The following CELA2A variants were observed in gnomAD, a reference collection of about 807,000 sequenced individuals.
CELA2A encodes chymotrypsin-like elastase family member 2A.
Under a neutral mutation model 35.3 loss-of-function variants are expected in CELA2A, and 31 were observed. The ratio of observed to expected loss-of-function variants is 0.88; its 90% confidence interval spans 0.66 to 1.19. The LOEUF is 1.19. Among genes scored for constraint, CELA2A ranks in the 50% most tolerant of loss-of-function variants. The probability of loss-of-function intolerance (pLI) is 0.00; values close to 1 mark genes in which losing one functional copy is unlikely to be tolerated. For missense variants in CELA2A, 330 were observed against 352.9 expected (o/e 0.94, Z 0.52); for synonymous variants, 150 against 149.8 (o/e 1.00, Z -0.01).
At chr1:15,467,602 A>G in intron 7 of CELA2A, 64 bp downstream of exon 7, 1 of 1,568,310 alleles carries the variant, frequency 6.4e-7, no homozygotes, top group Non-Finnish European at 8.7e-7. Context: ...CGGGAGTGCC[A>G]TGCCCACCTG....
intron 5 of CELA2A, 30 bp from the exon 6 acceptor site, chr1:15,465,969 C>T (rs1708511385): frequency 6.2e-7 from 1 of 1,612,862 alleles, no homozygotes; most frequent in Non-Finnish European, 8.5e-7. Context: ...GTCCCTGCAT[C>T]CCTAATGGCT....
At chr1:15,470,663 C>T (rs1222864293) in intron 7 of CELA2A, among the ~76,000 whole-genome samples, 1 of 152,142 alleles carries the variant, frequency 6.6e-6, no homozygotes, top group African/African-American at 2.4e-5. Flanking sequence ...TCAATGCAAC[C>T]TCCACCTCCC....
At chr1:15,459,864 C>A (rs1260745886) in intron 2 of CELA2A, among the ~76,000 whole-genome samples, 4 of 151,792 alleles carry the variant, frequency 2.6e-5, no homozygotes, top group Non-Finnish European at 1.5e-5. Context: ...CACCTTTAAT[C>A]CCAGCTATTC....
At chr1:15,470,088 C>G (rs989034230) in intron 7 of CELA2A, among the ~76,000 whole-genome samples, 1 of 152,190 alleles carries the variant, frequency 6.6e-6, no homozygotes, top group Non-Finnish European at 1.5e-5. Flanking sequence ...GCCCTGTGTT[C>G]ATGGGAGAGC....
chr1:15,471,619 A>G (rs915914332), intron 7 of CELA2A, among the ~76,000 whole-genome samples: 4 of 152,190 alleles, frequency 2.6e-5, no homozygotes, highest in African/African-American at 7.2e-5. Context: ...GGAAACAGTT[A>G]TAGCCCCAAC....
intron 5 of CELA2A, among the ~76,000 whole-genome samples, chr1:15,464,340 C>T (rs1014387802): frequency 2.6e-5 from 4 of 152,110 alleles, no homozygotes; most frequent in African/African-American, 9.7e-5. Flanking sequence ...CTGCTCAGAA[C>T]CTGAATGAGG....
chr1:15,465,797 G>T, intron 5 of CELA2A: 1 of 607,930 alleles, frequency 1.6e-6, no homozygotes, highest in African/African-American at 1.8e-5. Flanking sequence ...AGAATCCCAG[G>T]GGAGGGAGCT....
chr1:15,460,505 G>A (rs1708418978), intron 2 of CELA2A, among the ~76,000 whole-genome samples: 2 of 152,086 alleles, frequency 1.3e-5, no homozygotes, highest in East Asian at 1.9e-4. Context: ...GATCAGAGCA[G>A]TCCATGCCCT....
At chr1:15,469,203 G>A (rs1708560066) in intron 7 of CELA2A, among the ~76,000 whole-genome samples, 1 of 152,066 alleles carries the variant, frequency 6.6e-6, no homozygotes, top group East Asian at 1.9e-4. Flanking sequence ...ACACAAAAAA[G>A]AAAGAGTTGC....
In CELA2A at chr1:15,462,805, C is replaced by G. The variant is rs1708454603; in HGVS notation, c.300C>G (p.Val100=). The part of the protein sequence containing the change: ...LYVAESGSLA[V]SVSKIVVHKD... ...TTGCGGAGTCCGGCTCGCTGGCAGT[C>G]AGTGTCTCTAAGATTGTGGTGCACA... The change falls in exon 4 of 8, where the codon GTC becomes GTG. Residue 100 remains valine (V), a synonymous_variant. Coordinates refer to ENST00000359621, the MANE Select transcript of CELA2A (RefSeq NM_033440.3). 1 of 1,614,128 alleles carries G rather than the reference C, an allele frequency of 6.2e-7. No homozygotes were observed. Among genetic ancestry groups the G allele is most frequent in the South Asian group, 1.1e-5 (1 of 91,074 alleles).
intron 3 of CELA2A, chr1:15,462,152 T>C (rs1164936019): frequency 2.1e-6 from 1 of 470,748 alleles, no homozygotes; most frequent in Non-Finnish European, 4.4e-6. Context: ...TGTTCACTTA[T>C]CCTCTTCTTT....
Position 15,467,493 on chromosome 1 carries a change from C to A in CELA2A, c.747C>A (p.Pro249=). The part of the protein sequence containing the change: ...SRLGCNYYHK[P]SVFTRVSNYI... ...TCGGCTGCAACTACTACCACAAGCC[C>A]TCCGTCTTCACGCGGGTCTCCAATT... Residue 249 remains proline, a synonymous_variant, in exon 7 of 8, where the codon CCC becomes CCA. Transcript: ENST00000359621. 1.2e-6 allele frequency: 2 copies of A among 1,614,196 alleles called. No homozygotes were observed. Among genetic ancestry groups the A allele is most frequent in the Non-Finnish European group, 1.7e-6 (2 of 1,180,048 alleles).
At chr1:15,465,932 G>A in intron 5 of CELA2A, 67 bp from the exon 6 acceptor site, 2 of 1,575,648 alleles carry the variant, frequency 1.3e-6, no homozygotes, top group South Asian at 1.1e-5. Context: ...AACCTAAGAC[G>A]GGTCCATCAC....
intron 3 of CELA2A, chr1:15,462,031 T>C (rs991264440): frequency 4.0e-6 from 2 of 494,234 alleles, no homozygotes; most frequent in African/African-American, 2.0e-5. Context: ...CAGAATTTAG[T>C]GTGAATTCAA....
intron 6 of CELA2A, 152 bp downstream of exon 6, chr1:15,466,296 C>G: frequency 1.0e-6 from 1 of 981,712 alleles, no homozygotes; most frequent in Non-Finnish European, 1.5e-6. Context: ...GGCACGGTGG[C>G]TCACACCTGT....
At chr1:15,471,116 A>G (rs921906814) in intron 7 of CELA2A, among the ~76,000 whole-genome samples, 44 of 152,258 alleles carry the variant, frequency 2.9e-4, no homozygotes, top group Non-Finnish European at 2.4e-4. Flanking sequence ...TGCAGCTTTC[A>G]TGTTTCCTAT....
intron 6 of CELA2A, among the ~76,000 whole-genome samples, chr1:15,466,442 C>T (rs1407275411): frequency 6.6e-6 from 1 of 151,836 alleles, no homozygotes; most frequent in Non-Finnish European, 1.5e-5. Flanking sequence ...GGCGCCTGTA[C>T]TCACAGCTAC....
chr1:15,459,503 T>G (rs1471306839), intron 2 of CELA2A, among the ~76,000 whole-genome samples: 1 of 152,116 alleles, frequency 6.6e-6, no homozygotes, highest in Admixed American at 6.5e-5. Flanking sequence ...TTTTGCCAGT[T>G]CTTTTGCTTT....
chr1:15,471,711 G>A (rs1442957546), intron 7 of CELA2A, among the ~76,000 whole-genome samples: 1 of 152,092 alleles, frequency 6.6e-6, no homozygotes, highest in African/African-American at 2.4e-5. Context: ...CACACATTTG[G>A]AATATAATTT....
Sources: gnomAD v4.1 joint callset for allele counts (sites outside exome capture counted in the v4.1 genomes callset) on GRCh38, gnomAD v4.1.1 for gene constraint, MANE v1.5 for transcripts, NCBI Gene and HGNC (gene_info 2026-07-23, HGNC 2026-07-21) for gene names.